Variants in SCAMP4 observed in about 807,000 individuals in gnomAD.
SCAMP4 encodes secretory carrier-associated membrane protein 4.
In SCAMP4, 19 loss-of-function variants were observed where a neutral mutation model predicts 32.1. That is an observed-to-expected ratio of 0.59 (90% CI 0.41 to 0.87). SCAMP4 has a LOEUF of 0.87. SCAMP4 is among the 40% of genes least tolerant of loss of function. The pLI, the probability that SCAMP4 is intolerant of heterozygous loss-of-function variation, is 0.00. For synonymous variants in SCAMP4, 152 were observed against 132.7 expected (o/e 1.15, Z -1.00); for missense variants, 302 against 309.0 (o/e 0.98, Z 0.17).
At chr19:1,921,435 G>A in intron 5 of SCAMP4, 1 of 985,428 alleles carries the variant, frequency 1.0e-6, no homozygotes, top group Non-Finnish European at 1.2e-6. Context: ...CAGGTACTGA[G>A]GACACGGTGC....
chr19:1,920,198 C>G (rs549337751), intron 5 of SCAMP4: 2 of 985,190 alleles, frequency 2.0e-6, no homozygotes, highest in Non-Finnish European at 2.4e-6. Flanking sequence ...CCCACGTCCC[C>G]GACGTGTCTC....
chr19:1,922,447 C>G, intron 5 of SCAMP4: 1 of 774,028 alleles, frequency 1.3e-6, no homozygotes, highest in South Asian at 5.9e-5. Context: ...GTTGGTCAGG[C>G]TGGTCTCCAG....
chr19:1,912,321 A>G, intron 1 of SCAMP4: 1 of 1,545,238 alleles, frequency 6.5e-7, no homozygotes, highest in South Asian at 1.2e-5. Flanking sequence ...GCCTCACCTC[A>G]AGCGGGTGCG....
intron 1 of SCAMP4, among the ~76,000 whole-genome samples, chr19:1,913,881 A>ACGCCTGCTGTG (rs2013632771): frequency 6.6e-6 from 1 of 152,142 alleles, no homozygotes; most frequent in South Asian, 2.1e-4. Flanking sequence ...GCCTCCAGAC[A>ACGCCTGCTGTG]CGCCTGCTGT....
intron 1 of SCAMP4, chr19:1,912,093 A>C (rs2145435750): frequency 1.3e-6 from 2 of 1,481,946 alleles, no homozygotes; most frequent in Non-Finnish European, 1.8e-6. Flanking sequence ...GGCCTCGCTG[A>C]GGATGGAGCC....
intron 5 of SCAMP4, chr19:1,922,143 T>G (rs1324027092): frequency 1.0e-6 from 1 of 985,344 alleles, no homozygotes; most frequent in Non-Finnish European, 1.2e-6. Flanking sequence ...ATGACTGTTT[T>G]CTGCCTCCTG....
At chr19:1,915,137 C>T (rs747870818) in intron 2 of SCAMP4, 111 bp downstream of exon 2, 23 of 1,312,024 alleles carry the variant, frequency 1.8e-5, no homozygotes, top group Non-Finnish European at 2.1e-5. Flanking sequence ...CCTCCTGGCC[C>T]ACCTGGCCTC....
At chr19:1,913,897 C>A (rs924495935) in intron 1 of SCAMP4, among the ~76,000 whole-genome samples, 6 of 152,190 alleles carry the variant, frequency 3.9e-5, no homozygotes, top group African/African-American at 1.4e-4. Context: ...GCTGTGAGCC[C>A]CCAGCCCATA....
chr19:1,907,317 C>G (rs965278515), intron 1 of SCAMP4: 6 of 151,810 alleles, frequency 4.0e-5, no homozygotes, highest in African/African-American at 1.2e-4. Flanking sequence ...CCGAGGAGCC[C>G]TCCTGGATTC....
intron 5 of SCAMP4, chr19:1,921,568 G>C (rs570468912): frequency 8.1e-6 from 8 of 985,446 alleles, no homozygotes; most frequent in Non-Finnish European, 9.6e-6. Context: ...ACTTGCATGC[G>C]GGGGCGTGCG....
At chr19:1,922,991 TG>T in intron 5 of SCAMP4, 78 bp from the exon 6 acceptor site, 1 of 1,431,372 alleles carries the variant, frequency 7.0e-7, no homozygotes, top group Non-Finnish European at 9.2e-7. Context: ...GCTCTTTACA[TG>T]GGGAGGACCA....
chr19:1,914,139 T>C (rs1464360310), intron 1 of SCAMP4, among the ~76,000 whole-genome samples: 1 of 151,718 alleles, frequency 6.6e-6, no homozygotes, highest in Non-Finnish European at 1.5e-5. Flanking sequence ...TGGGCCTCCT[T>C]CATGCTCAGG....
At chr19:1,906,864 A>C (rs1425405846) in intron 1 of SCAMP4, 1 of 50,484 alleles carries the variant, frequency 2.0e-5, no homozygotes, top group Non-Finnish European at 3.5e-5. Context: ...AAAAAAAAAA[A>C]ATTGTGTGTG....
chr19:1,911,898 A>G (rs2013469841), intron 1 of SCAMP4: 2 of 977,060 alleles, frequency 2.0e-6, no homozygotes, highest in Non-Finnish European at 2.8e-6. Flanking sequence ...AGGGGTTAGC[A>G]GGACATGAGG....
rs770500546 is a variant in SCAMP4, at chr19:1,912,151, C to T, written c.-41-2828C>T. The T allele has an allele frequency of 1.3e-5, 20 of 1,566,390 alleles. No individual in the cohort carries two copies. The African/African-American group carries it at 1.6e-4, about 13-fold the overall frequency. ...CCCAAGTGCTTGGAGGCCGGGAGCC[C>T]GGAGCCTGAGCCGGCGCCGTGGCAG... On this transcript the variant is annotated intron_variant, in intron 1 of 6. Transcript: ENST00000316097.
rs1287116431 is a variant in SCAMP4, at chr19:1,924,404, C to T, written c.*120C>T. 18 of 868,752 alleles carry T rather than the reference C, an allele frequency of 2.1e-5. No individual in the cohort carries two copies. Among genetic ancestry groups the T allele is most frequent in the South Asian group, 8.1e-5 (5 of 61,714 alleles). 53.8% of individuals were successfully genotyped at this position (868,752 alleles called of 1,614,324 possible). On this transcript the variant is annotated 3_prime_UTR_variant, in exon 7 of 7. Transcript: ENST00000316097. Reference sequence around the variant, plus strand: ...TCCCCCCAGCTGGGATGGTGGAAGCCGGTGGTGGCCACGGACCGCCCCCCT... The same window carrying T: ...TCCCCCCAGCTGGGATGGTGGAAGCTGGTGGTGGCCACGGACCGCCCCCCT...
chr19:1,912,003 C>T lies in SCAMP4; in HGVS notation c.-41-2976C>T, dbSNP rs1389499999. Reference sequence around the variant, plus strand: ...CCTGCCTTGTGGAGCCACGGCCTCCCGGGACGGACTCCCCGGCTCTCCCCC... The same window carrying T: ...CCTGCCTTGTGGAGCCACGGCCTCCTGGGACGGACTCCCCGGCTCTCCCCC... On this transcript the variant is annotated intron_variant, in intron 1 of 6. Transcript: ENST00000316097. 6 of 1,415,726 alleles carry T rather than the reference C, an allele frequency of 4.2e-6. No individual in the cohort carries two copies. The African/African-American group carries it at 6.0e-5, about 14-fold the overall frequency. 87.7% of individuals were successfully genotyped at this position (1,415,726 alleles called of 1,614,324 possible).
chr19:1,908,374 C>T lies in SCAMP4; in HGVS notation c.-42+2935C>T, dbSNP rs891496509. ...GCCTGGAGTTCCACTGGCTGCTGGT[C>T]CCCCATCTGTGGGGCGCCCCGGCGG... On this transcript the variant is annotated intron_variant, in intron 1 of 6. Transcript: ENST00000316097. The surrounding 1 kb of genome is among the most constrained non-coding windows in gnomAD (Gnocchi z 4.2). 4 of 400,040 alleles carry T rather than the reference C, an allele frequency of 1.0e-5. No individual in the cohort carries two copies. The highest frequency in any genetic ancestry group is 4.1e-5 in the African/African-American group (2 of 48,274). 24.8% of individuals were successfully genotyped at this position (400,040 alleles called of 1,614,324 possible).
Position 1,908,594 on chromosome 19 carries a change from C to T in SCAMP4, c.-42+3155C>T. 2.1e-6 allele frequency: 1 copy of T among 471,118 alleles called. No individual in the cohort carries two copies. Among genetic ancestry groups the T allele is most frequent in the South Asian group, 1.5e-5 (1 of 64,570 alleles). The allele number at this position is 471,118 out of a possible 1,614,324, so 29.2% of individuals were successfully genotyped here. On this transcript the variant is annotated intron_variant, in intron 1 of 6. Coordinates refer to ENST00000316097, the MANE Select transcript of SCAMP4 (RefSeq NM_079834.4). The surrounding 1 kb of genome is among the most constrained non-coding windows in gnomAD (Gnocchi z 4.2). ...ATCTGCGGCTTAGCCCCAGCACCAT[C>T]TGAGGCAGTACTGTCTGCTAGAAAT...
Sources: gnomAD v4.1 joint callset for allele counts (sites outside exome capture counted in the v4.1 genomes callset) on GRCh38, gnomAD v4.1.1 for gene constraint, Gnocchi (gnomAD v3.1) non-coding constraint, MANE v1.5 for transcripts, NCBI Gene and HGNC (gene_info 2026-07-23, HGNC 2026-07-21) for gene names.